ZNF516: variants seen among roughly 807,000 people sequenced by gnomAD.
The protein encoded by ZNF516 is zinc finger protein 516.
In ZNF516, 19 loss-of-function variants were observed where a neutral mutation model predicts 79.7. The observed-to-expected ratio is 0.24, with a 90% CI of 0.17 to 0.35. The LOEUF is 0.35. Among genes scored for constraint, ZNF516 ranks in the 10% least tolerant of loss-of-function variants. ZNF516 has a pLI of 1.00. For missense variants in ZNF516, 1,678 were observed against 1,679.5 expected, an observed-to-expected ratio of 1.00 and a Z score of 0.02; for synonymous variants, 877 against 739.5, an observed-to-expected ratio of 1.19 and a Z score of -3.02.
intron 3 of ZNF516, among the ~76,000 whole-genome samples, chr18:76,437,104 C>CA: frequency 3.6e-5 from 1 of 28,164 alleles, no homozygotes; most frequent in Non-Finnish European, 7.8e-5. Flanking sequence ...ACACACATAC[C>CA]GTCTCTCACC....
At chr18:76,372,477 C>A (rs1281023249) in intron 4 of ZNF516, among the ~76,000 whole-genome samples, 1 of 152,166 alleles carries the variant, frequency 6.6e-6, no homozygotes, top group Non-Finnish European at 1.5e-5. Context: ...ACACCTGTTG[C>A]AGTAATTTTT....
At chr18:76,494,956 C>T (rs1038594645) in intron 1 of ZNF516, among the ~76,000 whole-genome samples, 188 bp downstream of exon 1, 5 of 150,740 alleles carry the variant, frequency 3.3e-5, no homozygotes, top group African/African-American at 9.8e-5. Context: ...AACTACCCAC[C>T]GGGAAAGCCA....
chr18:76,492,080 C>T, intron 1 of ZNF516: 3 of 860,470 alleles, frequency 3.5e-6, no homozygotes, highest in Non-Finnish European at 4.2e-6. Context: ...GGACGAGGTC[C>T]CTCCCAGGGG....
At chr18:76,478,195 G>C (rs926785247) in intron 1 of ZNF516, among the ~76,000 whole-genome samples, 1 of 152,112 alleles carries the variant, frequency 6.6e-6, no homozygotes, top group Non-Finnish European at 1.5e-5. Context: ...CAAATTCATC[G>C]ATGAAGACTG....
intron 1 of ZNF516, chr18:76,491,160 G>A: frequency 3.2e-6 from 3 of 943,654 alleles, no homozygotes; most frequent in Non-Finnish European, 3.8e-6. Flanking sequence ...CCAATTACCT[G>A]GGCTCCGCCG....
intron 3 of ZNF516, among the ~76,000 whole-genome samples, chr18:76,414,051 A>G (rs2075403962): frequency 6.6e-6 from 1 of 152,232 alleles, no homozygotes; most frequent in Non-Finnish European, 1.5e-5. Flanking sequence ...TCAAAACATT[A>G]TCTTTTACCC....
intron 1 of ZNF516, among the ~76,000 whole-genome samples, chr18:76,475,167 C>G (rs1914104487): frequency 6.6e-6 from 1 of 152,204 alleles, no homozygotes; most frequent in Non-Finnish European, 1.5e-5. Context: ...CTATTATCCC[C>G]AATAAACAAA....
chr18:76,370,867 T>C (rs1353782348), intron 5 of ZNF516, among the ~76,000 whole-genome samples: 5 of 152,228 alleles, frequency 3.3e-5, no homozygotes, highest in Admixed American at 2.0e-4. Flanking sequence ...ACCCTCTTCT[T>C]GCATTACTTA....
chr18:76,405,898 C>A (rs1238247651), intron 3 of ZNF516, among the ~76,000 whole-genome samples: 3 of 152,108 alleles, frequency 2.0e-5, no homozygotes, highest in Non-Finnish European at 4.4e-5. Context: ...TCCATGCCAA[C>A]CCCATCCGTC....
rs769833162 is a variant in ZNF516 at position 76,379,270 on chromosome 18, C to T, written c.2844G>A (p.Lys948=). 1 of 1,612,218 alleles carries T rather than the reference C, an allele frequency of 6.2e-7. No individual in the cohort carries two copies. ...RAGAQPSANS[K]PVEKFGVPPA... ...GGGGGACCCCAAACTTCTCCACAGG[C>T]TTGCTATTGGCCGAGGGCTGCGCGC... The change falls in exon 4 of 7, where the codon AAG becomes AAA. Residue 948 remains lysine (K), a synonymous_variant. Transcript: ENST00000443185.
intron 2 of ZNF516, among the ~76,000 whole-genome samples, chr18:76,456,339 G>A (rs188086626): frequency 2.0e-5 from 3 of 152,352 alleles, no homozygotes; most frequent in Non-Finnish European, 4.4e-5. Context: ...AGATAAGCAC[G>A]CTGGAGACCT....
chr18:76,491,467 G>T (rs1915204710), intron 1 of ZNF516, among the ~76,000 whole-genome samples: 1 of 142,732 alleles, frequency 7.0e-6, no homozygotes, highest in Non-Finnish European at 1.5e-5. Context: ...GTTATGGTGC[G>T]AAGTTGGGCT....
chr18:76,483,815 C>G (rs689952), intron 1 of ZNF516, among the ~76,000 whole-genome samples: 26,392 of 152,198 alleles, frequency 0.17, 2,607 homozygotes, highest in South Asian at 0.37. Flanking sequence ...CACTGCGGGG[C>G]TGGGAATCTG....
intron 3 of ZNF516, among the ~76,000 whole-genome samples, chr18:76,401,549 T>C (rs1000434698): frequency 2.0e-5 from 3 of 152,018 alleles, no homozygotes; most frequent in African/African-American, 7.3e-5. Context: ...TCCGTCCCTC[T>C]CCGCCCACGG....
chr18:76,496,293 T>A, upstream of ZNF516: 1 of 1,289,354 alleles, frequency 7.8e-7, no homozygotes, highest in Non-Finnish European at 1.0e-6. Context: ...CTGGCCGTAT[T>A]GTTCTCCTTC....
At chr18:76,448,715 G>T (rs1192041733) in intron 2 of ZNF516, among the ~76,000 whole-genome samples, 2 of 152,110 alleles carry the variant, frequency 1.3e-5, no homozygotes, top group Admixed American at 6.5e-5. Flanking sequence ...GCTAACGAGG[G>T]TATCCCTGCA....
chr18:76,373,053 G>A (rs1189747425), intron 4 of ZNF516: 1 of 152,654 alleles, frequency 6.6e-6, no homozygotes, highest in Non-Finnish European at 1.5e-5. Context: ...AGGAGGCTGA[G>A]GTGGGAGGAT....
intron 3 of ZNF516, among the ~76,000 whole-genome samples, chr18:76,414,137 A>G (rs1274578794): frequency 2.0e-5 from 3 of 152,226 alleles, no homozygotes; most frequent in Non-Finnish European, 4.4e-5. Context: ...ATAGATTCCT[A>G]TGTATTTACA....
At chr18:76,383,338 C>A (rs1349513927) in intron 3 of ZNF516, among the ~76,000 whole-genome samples, 1 of 152,096 alleles carries the variant, frequency 6.6e-6, no homozygotes, top group Admixed American at 6.5e-5. Context: ...AACAAGGAAC[C>A]AAGCACCTTC....
Sources: allele counts gnomAD v4.1 joint callset (sites outside exome capture counted in the v4.1 genomes callset), GRCh38; gene constraint gnomAD v4.1.1; transcripts MANE v1.5; gene names NCBI Gene and HGNC (gene_info 2026-07-23, HGNC 2026-07-21).